The following XRN2 variants were observed in gnomAD, a reference collection of about 807,000 sequenced individuals.
XRN2 encodes the protein 5'-3' exoribonuclease 2, also known as DHM1-like protein.
Under a neutral mutation model 138.5 loss-of-function variants are expected in XRN2, and 44 were observed. The ratio of observed to expected loss-of-function variants is 0.32; its 90% confidence interval spans 0.25 to 0.41. The LOEUF is 0.41. Among genes scored for constraint, XRN2 ranks in the 10% least tolerant of loss-of-function variants. The pLI is 1.00. For missense variants in XRN2, 937 were observed against 1,169.3 expected, an observed-to-expected ratio of 0.80 and a Z score of 2.90; for synonymous variants, 354 against 369.4, an observed-to-expected ratio of 0.96 and a Z score of 0.48.
chr20:21,315,869 TC>T (rs201259309), intron 1 of XRN2, among the ~76,000 whole-genome samples: 3,358 of 152,336 alleles, frequency 0.022, 47 homozygotes, highest in Non-Finnish European at 0.032. Context: ...TGAATATAAG[TC>T]CCTTATAAGA....
At chr20:21,335,686 C>G (rs533107874) in intron 13 of XRN2, among the ~76,000 whole-genome samples, 25 of 152,302 alleles carry the variant, frequency 1.6e-4, no homozygotes, top group African/African-American at 5.8e-4. Flanking sequence ...GGTGGCATCC[C>G]TTGATCTGCT....
In XRN2 at chr20:21,377,264, C is replaced by CTTTTTTTTTTTTTTTTTTTTTTTTTT. The variant is rs761622310; in HGVS notation, c.2585-4716_2585-4715insTTTTTTTTTTTTTTTTTTTTTTTTTT. Among the ~76,000 whole-genome samples, 126 of 82,776 alleles carry CTTTTTTTTTTTTTTTTTTTTTTTTTT rather than the reference C, an allele frequency of 1.5e-3. 26 individuals are homozygous for CTTTTTTTTTTTTTTTTTTTTTTTTTT. Among genetic ancestry groups the CTTTTTTTTTTTTTTTTTTTTTTTTTT allele is most frequent in the East Asian group, 4.9e-3 (9 of 1,844 alleles). The allele number at this position is 82,776 out of a possible 152,430, so 54.3% of individuals were successfully genotyped here. A position where few individuals can be genotyped will look rare whatever the true frequency, so the allele number is the denominator to read the frequency against. ...CCAACATATGATTTGTCGGTTTTTTCTTTTTTTTTTTTTTGGTCAGTCTTG... is the reference window on the plus strand; with the variant it reads ...CCAACATATGATTTGTCGGTTTTTTCTTTTTTTTTTTTTTTTTTTTTTTTTTTTTTTTTTTTTTTTGGTCAGTCTTG... On this transcript the variant is annotated intron_variant, in intron 27 of 29. Coordinates refer to ENST00000377191, the MANE Select transcript of XRN2 (RefSeq NM_012255.5).
At chr20:21,365,853 CATATATAATATATAATT>C in intron 26 of XRN2, 149 bp downstream of exon 26, 2 of 78,432 alleles carry the variant, frequency 2.5e-5, no homozygotes, top group Non-Finnish European at 5.5e-5. Flanking sequence ...TATATAATTA[CATATATAATATATAATT>C]ATATATAATA....
chr20:21,369,099 ACT>A (rs1408473830), intron 27 of XRN2, among the ~76,000 whole-genome samples: 4 of 151,294 alleles, frequency 2.6e-5, no homozygotes, highest in African/African-American at 7.3e-5. Context: ...CCGTCCTTCT[ACT>A]CTCTGTCTCC....
intron 26 of XRN2, 24 bp from the exon 27 acceptor site, chr20:21,368,439 T>A: frequency 6.2e-7 from 1 of 1,612,076 alleles, no homozygotes. Flanking sequence ...CAATTTTTTT[T>A]TCTTGTGTTG....
In XRN2 at chr20:21,308,977, TC is replaced by T. The variant is rs371950326; in HGVS notation, c.75+5505del. On this transcript the variant is annotated intron_variant, in intron 1 of 29. Transcript: ENST00000377191. ...TTTGGTCTAGTCATATGGTGAATTATCGGTCTTTAAATGCTAAAGCCACCTT... is the reference window on the plus strand; with the variant it reads ...TTTGGTCTAGTCATATGGTGAATTATGGTCTTTAAATGCTAAAGCCACCTT... 1.1e-4 allele frequency among the ~76,000 whole-genome samples: 17 copies of T among 152,370 alleles called. No homozygotes were observed. In the East Asian group the frequency reaches 2.5e-3, roughly 22 times the overall value.
chr20:21,350,924 A>G (rs751394518), intron 20 of XRN2, among the ~76,000 whole-genome samples: 15 of 152,152 alleles, frequency 9.9e-5, no homozygotes, highest in African/African-American at 2.7e-4. Context: ...TACATGTTAA[A>G]TGGATTGGAG....
At chr20:21,332,020 T>C (rs2038217097) in intron 8 of XRN2, among the ~76,000 whole-genome samples, 1 of 152,226 alleles carries the variant, frequency 6.6e-6, no homozygotes, top group South Asian at 2.1e-4. Flanking sequence ...TCTTACATTT[T>C]TCAACCTTTT....
intron 20 of XRN2, among the ~76,000 whole-genome samples, chr20:21,353,223 GATATATATAT>G (rs869071652): frequency 0.038 from 4,342 of 113,404 alleles, 95 homozygotes; most frequent in African/African-American, 0.077. Context: ...TAGTGGGTAG[GATATATATAT>G]ATATATATAT....
At chr20:21,303,571 GC>G in intron 1 of XRN2, 98 bp downstream of exon 1, 1 of 1,402,156 alleles carries the variant, frequency 7.1e-7, no homozygotes, top group Non-Finnish European at 9.2e-7. Flanking sequence ...GGGGAGCCTT[GC>G]CGGAGCTCGC....
chr20:21,320,468 T>G (rs1257576426), intron 1 of XRN2, among the ~76,000 whole-genome samples: 2 of 151,106 alleles, frequency 1.3e-5, no homozygotes, highest in African/African-American at 4.9e-5. Context: ...TCCGGCTAAT[T>G]TTTTGTATTT....
intron 21 of XRN2, 145 bp from the exon 22 acceptor site, chr20:21,355,935 A>T: frequency 4.0e-6 from 2 of 502,362 alleles, no homozygotes; most frequent in Non-Finnish European, 7.0e-6. Context: ...CTCTTGTCTA[A>T]CCTATCACTT....
At position 21,337,210 on chromosome 20, in the gene XRN2, A is replaced by G. The variant is rs144983884; in HGVS notation, c.1234-1834A>G. On this transcript the variant is annotated intron_variant, in intron 13 of 29. Transcript: ENST00000377191. ...TGTTGGAAGTACTGTGTGGAGGGAA[A>G]GGTCAAAGCAGTGAGCCCCAGGCCA... Among the ~76,000 whole-genome samples the G allele has an allele frequency of 2.2e-3, 329 of 152,338 alleles. 2 individuals are homozygous for G. Among genetic ancestry groups the G allele is most frequent in the African/African-American group, 7.6e-3 (315 of 41,574 alleles).
At chr20:21,363,043 C>T (rs527855652) in intron 24 of XRN2, among the ~76,000 whole-genome samples, 1 of 152,168 alleles carries the variant, frequency 6.6e-6, no homozygotes, top group East Asian at 1.9e-4. Context: ...CCTGTCTCAT[C>T]TTAAACCGCA....
In XRN2 at chr20:21,346,508, G is replaced by T; in HGVS notation, c.1623G>T (p.Ser541=). The part of the protein sequence containing the change: ...DEKFRRKVVQ[S]YVEGLCWVLR... ...AATTCCGTCGGAAAGTTGTGCAGTC[G>T]TACGTTGAAGGACTTTGCTGGGTTC... is the stretch of plus-strand genomic sequence containing the variant. The change falls in exon 17 of 30, where the codon TCG becomes TCT. Residue 541 remains serine, a synonymous_variant. Transcript: ENST00000377191. 2 of 1,614,120 alleles carry T rather than the reference G, an allele frequency of 1.2e-6. No homozygotes were observed. Among genetic ancestry groups the T allele is most frequent in the Non-Finnish European group, 1.7e-6 (2 of 1,179,966 alleles).
At chr20:21,379,346 G>A (rs1297030922) in intron 27 of XRN2, among the ~76,000 whole-genome samples, 3 of 152,100 alleles carry the variant, frequency 2.0e-5, no homozygotes, top group Admixed American at 6.5e-5. Flanking sequence ...AGATCAGCCA[G>A]GAAATACTTC....
At chr20:21,316,635 T>C (rs186751293) in intron 1 of XRN2, among the ~76,000 whole-genome samples, 1 of 152,362 alleles carries the variant, frequency 6.6e-6, no homozygotes, top group East Asian at 1.9e-4. Flanking sequence ...TTCCATTCCA[T>C]TGATCTAAAT....
chr20:21,362,583 G>C (rs886688785), intron 24 of XRN2, among the ~76,000 whole-genome samples: 3 of 151,368 alleles, frequency 2.0e-5, no homozygotes, highest in Non-Finnish European at 4.4e-5. Context: ...CTGCTGGGTT[G>C]TTCTTTCTGA....
intron 23 of XRN2, among the ~76,000 whole-genome samples, chr20:21,357,125 G>A (rs1319331860): frequency 1.2e-5 from 1 of 80,458 alleles, no homozygotes; most frequent in Non-Finnish European, 2.6e-5. Context: ...TGTTATTTAT[G>A]TTAACATGTA....
Sources: allele counts gnomAD v4.1 joint callset (sites outside exome capture counted in the v4.1 genomes callset), GRCh38; gene constraint gnomAD v4.1.1; transcripts MANE v1.5; gene names NCBI Gene and HGNC (gene_info 2026-07-23, HGNC 2026-07-21).